Variants in LRP1B observed in about 807,000 individuals in gnomAD.
The protein encoded by LRP1B is low-density lipoprotein receptor-related protein 1B.
Under a neutral mutation model 556.6 loss-of-function variants are expected in LRP1B, and 217 were observed. The ratio of observed to expected loss-of-function variants is 0.39; its 90% CI spans 0.35 to 0.44. LRP1B has a LOEUF of 0.44. Among genes scored for constraint, LRP1B ranks in the 20% least tolerant of loss-of-function variants. The pLI, the probability that LRP1B is intolerant of heterozygous loss-of-function variation, is 1.00. For missense variants in LRP1B, 5,053 were observed against 5,620.8 expected (o/e 0.90, Z 3.23); for synonymous variants, 2,047 against 1,865.8 (o/e 1.10, Z -2.50).
At chr2:140,696,400 A>G (rs533516849) in intron 41 of LRP1B, among the ~76,000 whole-genome samples, 1 of 152,290 alleles carries the variant, frequency 6.6e-6, no homozygotes, top group African/African-American at 2.4e-5. Context: ...ATTCGTATAA[A>G]CTATCAATAC....
intron 2 of LRP1B, among the ~76,000 whole-genome samples, chr2:141,622,048 C>T (rs548369979): frequency 6.6e-6 from 1 of 152,154 alleles, no homozygotes; most frequent in Non-Finnish European, 1.5e-5. Context: ...TGCATCACCA[C>T]ACCCAGCTAA....
chr2:140,700,558 G>T lies in LRP1B; in HGVS notation c.6491C>A (p.Ser2164Tyr), dbSNP rs1300724410. The change falls in exon 41 of 91, where the codon TCC becomes TAC. Residue 2164 changes from serine to tyrosine, a missense_variant. Around this residue, in one of 5 missense-constraint regions of LRP1B, gnomAD observed 3,619 missense variants for 3,931.9 expected, o/e 0.92. Transcript: ENST00000389484. ...ATGGGCACAAGCACAAGTTCTCCGG[G>T]AATTTCCTCGATAAAGACAGAGTTG... is the stretch of plus-strand genomic sequence containing the variant. ...CKQLCLYRGNSRRTCACAHGY... is the reference protein window; with the variant it reads ...CKQLCLYRGNYRRTCACAHGY... The T allele has an allele frequency of 2.5e-6, 4 of 1,613,418 alleles. No individual in the cohort carries two copies. Among genetic ancestry groups the T allele is most frequent in the Admixed American group, 1.7e-5 (1 of 59,916 alleles).
At chr2:140,425,538 G>C (rs571772710) in intron 66 of LRP1B, among the ~76,000 whole-genome samples, 2 of 152,238 alleles carry the variant, frequency 1.3e-5, no homozygotes, top group Admixed American at 1.3e-4. Flanking sequence ...AGCCTCCTGA[G>C]TAGCTGGGAA....
In LRP1B at chr2:141,186,078, C is replaced by CAAAAAA. The variant is rs386391364; in HGVS notation, c.1013+2337_1013+2342dup. On this transcript the variant is annotated intron_variant, in intron 7 of 90. Transcript: ENST00000389484. ...TGAGCGATAGAACGAGACTCTGTCT[C>CAAAAAA]AAAAAAAAAAAAAAAAAAAAACCAG... 2.5e-3 allele frequency among the ~76,000 whole-genome samples: 193 copies of CAAAAAA among 77,452 alleles called. 12 individuals are homozygous for CAAAAAA. In the Middle Eastern group the frequency reaches 0.039, roughly 16 times the overall value. 50.8% of individuals were successfully genotyped at this position (77,452 alleles called of 152,430 possible).
At chr2:141,316,052 T>C (rs1224786006) in intron 3 of LRP1B, among the ~76,000 whole-genome samples, 3 of 152,054 alleles carry the variant, frequency 2.0e-5, no homozygotes, top group Non-Finnish European at 4.4e-5. Context: ...ACCATTTTTG[T>C]TTCTTTTCAG....
At chr2:141,367,206 C>T (rs2105581754) in intron 3 of LRP1B, among the ~76,000 whole-genome samples, 1 of 152,232 alleles carries the variant, frequency 6.6e-6, no homozygotes, top group South Asian at 2.1e-4. Context: ...AAGTGAGCTT[C>T]ACATAATTAC....
At chr2:141,179,507 G>T (rs558217878) in intron 7 of LRP1B, among the ~76,000 whole-genome samples, 46 of 152,090 alleles carry the variant, frequency 3.0e-4, no homozygotes, top group African/African-American at 1.1e-3. Flanking sequence ...AAAAGGCACT[G>T]CATTATTTTA....
At chr2:140,498,802 G>A (rs138668920) in intron 55 of LRP1B, among the ~76,000 whole-genome samples, 1 of 151,742 alleles carries the variant, frequency 6.6e-6, no homozygotes, top group Admixed American at 6.6e-5. Flanking sequence ...ACATGTGTAT[G>A]TATATACATA....
chr2:140,701,630 T>A, intron 40 of LRP1B, 91 bp downstream of exon 40: 1 of 1,281,324 alleles, frequency 7.8e-7, no homozygotes, highest in Non-Finnish European at 1.1e-6. Flanking sequence ...TTTAGACTTA[T>A]AGAAGAATTT....
intron 3 of LRP1B, among the ~76,000 whole-genome samples, chr2:141,291,871 A>AAC (rs1685974490): frequency 1.6e-5 from 1 of 61,842 alleles, no homozygotes; most frequent in Non-Finnish European, 3.9e-5. Flanking sequence ...AAAAAAAAAA[A>AAC]AAAAAAAAAA....
intron 43 of LRP1B, among the ~76,000 whole-genome samples, chr2:140,569,153 A>G (rs763958062): frequency 1.8e-4 from 28 of 152,196 alleles, no homozygotes; most frequent in African/African-American, 6.5e-4. Context: ...TAAGAGGTGG[A>G]TAAAGGAACA....
intron 31 of LRP1B, among the ~76,000 whole-genome samples, chr2:140,836,803 T>C (rs1691919930): frequency 6.6e-6 from 1 of 152,216 alleles, no homozygotes; most frequent in African/African-American, 2.4e-5. Flanking sequence ...AGCTTTTCAT[T>C]ACGCATTGGG....
intron 84 of LRP1B, among the ~76,000 whole-genome samples, chr2:140,276,235 C>A (rs551893359): frequency 6.6e-6 from 1 of 151,960 alleles, no homozygotes; most frequent in South Asian, 2.1e-4. Flanking sequence ...GTTTATCTAG[C>A]CCTTTATTAA....
At chr2:140,497,988 T>C (rs904793548) in intron 55 of LRP1B, among the ~76,000 whole-genome samples, 1 of 151,902 alleles carries the variant, frequency 6.6e-6, no homozygotes, top group South Asian at 2.1e-4. Flanking sequence ...TGTTAATCTA[T>C]TTTAATAAAA....
At chr2:141,106,230 A>C (rs566065742) in intron 7 of LRP1B, among the ~76,000 whole-genome samples, 6 of 152,306 alleles carry the variant, frequency 3.9e-5, no homozygotes, top group African/African-American at 1.4e-4. Context: ...TGTCATCGAC[A>C]CTTCATTTTG....
At chr2:141,234,018 C>T (rs1331300121) in intron 5 of LRP1B, among the ~76,000 whole-genome samples, 1 of 151,862 alleles carries the variant, frequency 6.6e-6, no homozygotes, top group Non-Finnish European at 1.5e-5. Flanking sequence ...GAAAAAAATC[C>T]CAGTTTTAAC....
chr2:140,740,674 T>G (rs183459825), intron 35 of LRP1B, among the ~76,000 whole-genome samples: 1 of 152,060 alleles, frequency 6.6e-6, no homozygotes, highest in Non-Finnish European at 1.5e-5. Context: ...AAAATGAAAT[T>G]TATTCTCTAC....
chr2:141,999,520 T>C (rs1574578208), intron 1 of LRP1B, among the ~76,000 whole-genome samples: 1 of 152,266 alleles, frequency 6.6e-6, no homozygotes, highest in East Asian at 1.9e-4. Context: ...TTTAATTTTA[T>C]TGAATTTTGT....
chr2:141,802,367 A>G (rs940770388), intron 2 of LRP1B, among the ~76,000 whole-genome samples: 1 of 152,108 alleles, frequency 6.6e-6, no homozygotes, highest in African/African-American at 2.4e-5. Flanking sequence ...TTCTTCACCT[A>G]TCTTTGCCTG....
Sources: allele counts gnomAD v4.1 joint callset (sites outside exome capture counted in the v4.1 genomes callset), GRCh38; gene constraint gnomAD v4.1.1; regional missense constraint gnomAD v4.1.1; transcripts MANE v1.5; gene names NCBI Gene and HGNC (gene_info 2026-07-23, HGNC 2026-07-21).